The following APLF variants were observed in gnomAD, a reference collection of about 807,000 sequenced individuals.
APLF encodes aprataxin and PNKP like factor, also known as aprataxin and PNK-like factor.
A neutral mutation model predicts 55.6 loss-of-function variants in APLF; 61 were observed. That is an observed-to-expected ratio of 1.10 (90% confidence interval 0.89 to 1.36). The LOEUF is 1.36. Ranked by LOEUF, APLF falls within the 40% of genes most tolerant of loss-of-function variation. The pLI, the probability that APLF is intolerant of heterozygous loss-of-function variation, is 0.00. For missense variants in APLF, 611 were observed against 602.5 expected, an observed-to-expected ratio of 1.01 and a Z score of -0.15; for synonymous variants, 207 against 214.8, an observed-to-expected ratio of 0.96 and a Z score of 0.32.
chr2:68,544,004 T>TG, intron 7 of APLF, among the ~76,000 whole-genome samples: 1 of 146,694 alleles, frequency 6.8e-6, no homozygotes, highest in South Asian at 2.2e-4. Context: ...TTTTTTGAGA[T>TG]GGAGTCTTGC....
intron 1 of APLF, among the ~76,000 whole-genome samples, chr2:68,471,416 GAAAC>G (rs1389433651): frequency 6.6e-6 from 1 of 152,188 alleles, no homozygotes; most frequent in Non-Finnish European, 1.5e-5. Context: ...AGGTGAATGA[GAAAC>G]AAGTCTTTGC....
chr2:68,539,945 A>C (rs1670500174), intron 7 of APLF, among the ~76,000 whole-genome samples: 1 of 152,224 alleles, frequency 6.6e-6, no homozygotes, highest in South Asian at 2.1e-4. Context: ...AAAGGAAAAA[A>C]TAAAACTGTA....
At chr2:68,490,434 A>G (rs768473586) in intron 2 of APLF, among the ~76,000 whole-genome samples, 173 bp downstream of exon 2, 4 of 152,202 alleles carry the variant, frequency 2.6e-5, no homozygotes, top group Non-Finnish European at 4.4e-5. Flanking sequence ...GGAAAACTAC[A>G]TATTTTCTCA....
Position 68,538,028 on chromosome 2 carries a change from G to T in APLF, c.961G>T (p.Ala321Ser). 6.2e-7 allele frequency: 1 copy of T among 1,614,032 alleles called. No individual in the cohort carries two copies. Among genetic ancestry groups the T allele is most frequent in the South Asian group, 1.1e-5 (1 of 91,072 alleles). The change falls in exon 7 of 10, where the codon GCA (alanine) becomes TCA (serine). Residue 321 changes from alanine (A) to serine (S), a missense_variant. Coordinates refer to ENST00000303795, the MANE Select transcript of APLF (RefSeq NM_173545.3). ...AAGAACACCACATAAAGAAGATGAG[G>T]CAATGAGCTGTTCTGAAAATTGTTC... ...TKRTPHKEDE[A>S]MSCSENCSSA...
At chr2:68,517,345 A>C (rs13392738) in intron 5 of APLF, among the ~76,000 whole-genome samples, 10 of 106,222 alleles carry the variant, frequency 9.4e-5, no homozygotes, top group East Asian at 2.3e-4. Flanking sequence ...ATAATATATT[A>C]ATATATCATT....
chr2:68,500,479 T>G (rs1316257169), intron 2 of APLF, among the ~76,000 whole-genome samples: 18 of 152,194 alleles, frequency 1.2e-4, no homozygotes, highest in Non-Finnish European at 2.2e-4. Flanking sequence ...GAAATGTAGT[T>G]TCCTTAAGTA....
chr2:68,520,406 G>C (rs1669863446), intron 5 of APLF, among the ~76,000 whole-genome samples: 1 of 151,870 alleles, frequency 6.6e-6, no homozygotes, highest in South Asian at 2.1e-4. Context: ...ATTTCTAGAA[G>C]GGTTTTTCTG....
chr2:68,527,345 G>T (rs2103984928), intron 6 of APLF, among the ~76,000 whole-genome samples: 1 of 152,018 alleles, frequency 6.6e-6, no homozygotes, highest in East Asian at 1.9e-4. Flanking sequence ...AGGAGGCGGG[G>T]CAGAGGCACT....
chr2:68,560,599 A>G (rs913809557), intron 8 of APLF, among the ~76,000 whole-genome samples: 6 of 152,154 alleles, frequency 3.9e-5, no homozygotes, highest in African/African-American at 1.4e-4. Flanking sequence ...TTGAAAATAC[A>G]TATTTTAAAA....
At chr2:68,508,875 A>G (rs1676957002) in intron 3 of APLF, among the ~76,000 whole-genome samples, 1 of 152,162 alleles carries the variant, frequency 6.6e-6, no homozygotes, top group South Asian at 2.1e-4. Flanking sequence ...AAACAGAGGT[A>G]TAGACCAATG....
chr2:68,535,133 A>T, intron 6 of APLF: 1 of 238,128 alleles, frequency 4.2e-6, no homozygotes, highest in African/African-American at 2.3e-5. Flanking sequence ...ATAAGTTAAC[A>T]TGTTAAACCT....
chr2:68,575,086 A>G (rs1341273522), intron 9 of APLF, among the ~76,000 whole-genome samples: 2 of 152,208 alleles, frequency 1.3e-5, no homozygotes, highest in African/African-American at 4.8e-5. Context: ...GTTGATAATT[A>G]GAAGAAAAAT....
chr2:68,559,988 A>G (rs1274450606), intron 8 of APLF, among the ~76,000 whole-genome samples: 1 of 151,950 alleles, frequency 6.6e-6, no homozygotes, highest in Non-Finnish European at 1.5e-5. Flanking sequence ...TTTGTGTTTT[A>G]CCCAATATCC....
chr2:68,539,766 A>T (rs924692297), intron 7 of APLF, among the ~76,000 whole-genome samples: 9 of 152,206 alleles, frequency 5.9e-5, no homozygotes, highest in African/African-American at 2.2e-4. Context: ...AATCAAGAAT[A>T]TCTACAGAAA....
intron 1 of APLF, among the ~76,000 whole-genome samples, chr2:68,479,046 C>G (rs1675870504): frequency 6.6e-6 from 1 of 152,136 alleles, no homozygotes; most frequent in East Asian, 1.9e-4. Context: ...TGAACAATGC[C>G]TCTGGCCACC....
At chr2:68,479,113 A>T (rs372811007) in intron 1 of APLF, among the ~76,000 whole-genome samples, 1 of 152,074 alleles carries the variant, frequency 6.6e-6, no homozygotes, top group Admixed American at 6.6e-5. Flanking sequence ...TCCCCCAAAC[A>T]CAGCATCTCT....
At chr2:68,526,299 A>T in intron 6 of APLF, 57 bp downstream of exon 6, 1 of 1,535,094 alleles carries the variant, frequency 6.5e-7, no homozygotes, top group Non-Finnish European at 8.9e-7. Context: ...TTAGATAGAA[A>T]TTAATCATAT....
At chr2:68,534,171 A>G (rs1450461850) in intron 6 of APLF, among the ~76,000 whole-genome samples, 1 of 152,176 alleles carries the variant, frequency 6.6e-6, no homozygotes, top group African/African-American at 2.4e-5. Flanking sequence ...GCTAGCATGA[A>G]TAGATGAAAT....
chr2:68,518,409 A>AATATTT (rs1558539416), intron 5 of APLF, among the ~76,000 whole-genome samples: 7 of 109,968 alleles, frequency 6.4e-5, no homozygotes, highest in African/African-American at 2.3e-4. Flanking sequence ...ACAATATATT[A>AATATTT]TATATTATAT....
Sources: gnomAD v4.1 joint callset for allele counts (sites outside exome capture counted in the v4.1 genomes callset) on GRCh38, gnomAD v4.1.1 for gene constraint, MANE v1.5 for transcripts, NCBI Gene and HGNC (gene_info 2026-07-23, HGNC 2026-07-21) for gene names.